The following ZNF488 variants were observed in gnomAD, a reference collection of about 807,000 sequenced individuals.
ZNF488 encodes the protein zinc finger protein 488.
A neutral mutation model predicts 1.2 loss-of-function variants in ZNF488; 1 was observed. The observed-to-expected ratio is 0.86, with a 90% CI of 0.30 to 4.07. The LOEUF is 4.07. Ranked by LOEUF, ZNF488 falls within the 30% of genes most tolerant of loss-of-function variation. The probability of loss-of-function intolerance (pLI) is 0.18; values close to 1 mark genes in which losing one functional copy is unlikely to be tolerated. For missense variants in ZNF488, 450 were observed against 437.9 expected (o/e 1.03, Z -0.25); for synonymous variants, 185 against 190.1 (o/e 0.97, Z 0.22).
chr10:47,372,349 G>A (rs1470714236), intron 1 of ZNF488, among the ~76,000 whole-genome samples: 1 of 152,184 alleles, frequency 6.6e-6, no homozygotes, highest in Non-Finnish European at 1.5e-5. Context: ...AACCTGAAAT[G>A]TGGGGACAAA....
In ZNF488 at chr10:47,367,950, T is replaced by C; in HGVS notation, c.880A>G (p.Met294Val). 6.2e-7 allele frequency: 1 copy of C among 1,614,044 alleles called. No individual in the cohort carries two copies. Among genetic ancestry groups the C allele is most frequent in the Non-Finnish European group, 8.5e-7 (1 of 1,180,026 alleles). Reference protein sequence around the residue: ...FRLTSDLVFHMRSHHKKEHAG... With the variant: ...FRLTSDLVFHVRSHHKKEHAG... ...TGCTCCTTTTTGTGGTGGGATCGCA[T>C]GTGAAAGACCAGGTCGGACGTTAGG... Residue 294 changes from methionine to valine, a missense_variant, in exon 2 of 2, where the codon ATG becomes GTG. Coordinates refer to ENST00000585316, the MANE Select transcript of ZNF488 (RefSeq NM_153034.4).
chr10:47,378,656 A>T (rs782167896), intron 1 of ZNF488, among the ~76,000 whole-genome samples: 8 of 152,234 alleles, frequency 5.3e-5, no homozygotes, highest in Non-Finnish European at 1.0e-4. Context: ...GAGATGAGAC[A>T]GAGAGCCCAA....
At chr10:47,369,703 A>T (rs1195612081) in intron 1 of ZNF488, among the ~76,000 whole-genome samples, 3 of 152,082 alleles carry the variant, frequency 2.0e-5, no homozygotes, top group Non-Finnish European at 4.4e-5. Context: ...GGGCAGCTTC[A>T]TTCCCATCGT....
In ZNF488 at chr10:47,370,553, C is replaced by T. The variant is rs538284354; in HGVS notation, c.-108-1616G>A. On this transcript the variant is annotated intron_variant, in intron 1 of 1. Transcript: ENST00000585316. ...TCTCCCTCAGGCGCTGGACTAACAA[C>T]AGTCTGACCATGGCTGGAAGAGGCA... Among the ~76,000 whole-genome samples the T allele has an allele frequency of 1.8e-4, 28 of 152,356 alleles. 1 individual carries two copies. Among genetic ancestry groups the T allele is most frequent in the Middle Eastern group, 6.8e-3 (2 of 294 alleles).
chr10:47,366,654 C>T lies in ZNF488; in HGVS notation c.*1153G>A, dbSNP rs1173190037. On this transcript the variant is annotated 3_prime_UTR_variant, in exon 2 of 2. Transcript: ENST00000585316. ...GTCAAAGAGTACAGCCTGGGCTCCA[C>T]ACATCCTTAGGAACAAGGGCTGATG... The T allele has an allele frequency of 1.8e-5, 3 of 167,112 alleles. No homozygotes were observed. Among genetic ancestry groups the T allele is most frequent in the Non-Finnish European group, 4.4e-5 (3 of 68,132 alleles). The allele number at this position is 167,112 out of a possible 1,614,324, so 10.4% of individuals were successfully genotyped here. A position where few individuals can be genotyped will look rare whatever the true frequency, so the allele number is the denominator to read the frequency against.
intron 1 of ZNF488, among the ~76,000 whole-genome samples, chr10:47,378,681 GAAAGCATGGGAT>G (rs1281391099): frequency 6.6e-6 from 1 of 152,240 alleles, no homozygotes; most frequent in Non-Finnish European, 1.5e-5. Context: ...CTCATGGAGT[GAAAGCATGGGAT>G]AAATCAGAGA....
intron 1 of ZNF488, among the ~76,000 whole-genome samples, chr10:47,382,719 C>T (rs556548335): frequency 2.2e-4 from 34 of 152,336 alleles, no homozygotes; most frequent in African/African-American, 7.9e-4. Flanking sequence ...TCACTGAACA[C>T]ACTGCAATGC....
At chr10:47,370,523 A>G (rs1217453759) in intron 1 of ZNF488, among the ~76,000 whole-genome samples, 6 of 152,222 alleles carry the variant, frequency 3.9e-5, no homozygotes, top group Non-Finnish European at 8.8e-5. Context: ...GAACTCTGAA[A>G]GTACTCTCCC....
chr10:47,375,973 T>C, intron 1 of ZNF488, among the ~76,000 whole-genome samples: 1 of 152,280 alleles, frequency 6.6e-6, no homozygotes, highest in East Asian at 1.9e-4. Flanking sequence ...TCGAGAGTGT[T>C]TGTGAGGACT....
intron 1 of ZNF488, among the ~76,000 whole-genome samples, chr10:47,377,101 C>G (rs1837707507): frequency 1.3e-5 from 2 of 152,302 alleles, no homozygotes; most frequent in South Asian, 4.1e-4. Flanking sequence ...TCTCTGCAAC[C>G]CCCGCAGGGC....
chr10:47,365,811 T>A lies in ZNF488; in HGVS notation c.*1996A>T, dbSNP rs995624718. 6.0e-6 allele frequency: 1 copy of A among 167,024 alleles called. No homozygotes were observed. Among genetic ancestry groups the A allele is most frequent in the Non-Finnish European group, 1.5e-5 (1 of 68,164 alleles). The allele number at this position is 167,024 out of a possible 1,614,324, so 10.3% of individuals were successfully genotyped here. ...AGGAGCAGCACCATGAAGAGCTAGA[T>A]AGAAAATGTTGAATGAAGCCCAGGC... On this transcript the variant is annotated 3_prime_UTR_variant, in exon 2 of 2. Coordinates refer to ENST00000585316, the MANE Select transcript of ZNF488 (RefSeq NM_153034.4).
chr10:47,381,414 G>C (rs1459481601), intron 1 of ZNF488, among the ~76,000 whole-genome samples: 3 of 152,272 alleles, frequency 2.0e-5, no homozygotes, highest in African/African-American at 7.2e-5. Flanking sequence ...TCTGCATTTG[G>C]ATTGTGAGGT....
chr10:47,369,978 CTGAATGAA>C (rs147995346), intron 1 of ZNF488, among the ~76,000 whole-genome samples: 11 of 152,132 alleles, frequency 7.2e-5, no homozygotes, highest in South Asian at 4.1e-4. Flanking sequence ...GAAGCCTTTG[CTGAATGAA>C]TGAATGAATG....
chr10:47,378,080 C>T (rs1305726131), intron 1 of ZNF488, among the ~76,000 whole-genome samples: 1 of 152,230 alleles, frequency 6.6e-6, no homozygotes, highest in African/African-American at 2.4e-5. Context: ...GGCCCTGCCC[C>T]TAGAGAGAGC....
chr10:47,380,146 C>T (rs1312469593), intron 1 of ZNF488, among the ~76,000 whole-genome samples: 1 of 152,274 alleles, frequency 6.6e-6, no homozygotes, highest in Non-Finnish European at 1.5e-5. Flanking sequence ...CACACCCGGG[C>T]TCTCACCCCC....
At position 47,366,671 on chromosome 10, in the gene ZNF488, G is replaced by A. The variant is rs1027535243; in HGVS notation, c.*1136C>T. On this transcript the variant is annotated 3_prime_UTR_variant, in exon 2 of 2. Coordinates refer to ENST00000585316, the MANE Select transcript of ZNF488 (RefSeq NM_153034.4). Reference sequence around the variant, plus strand: ...GGGCTCCACACATCCTTAGGAACAAGGGCTGATGCGGGTACCTACAACAGC... The same window carrying A: ...GGGCTCCACACATCCTTAGGAACAAAGGCTGATGCGGGTACCTACAACAGC... 12 of 167,084 alleles carry A rather than the reference G, an allele frequency of 7.2e-5. No individual in the cohort carries two copies. The highest frequency in any genetic ancestry group is 2.9e-4 in the African/African-American group (12 of 41,436). 10.4% of individuals were successfully genotyped at this position (167,084 alleles called of 1,614,324 possible). A position where few individuals can be genotyped will look rare whatever the true frequency, so the allele number is the denominator to read the frequency against.
At chr10:47,379,310 C>T (rs200813331) in intron 1 of ZNF488, among the ~76,000 whole-genome samples, 467 of 143,508 alleles carry the variant, frequency 3.3e-3, no homozygotes, top group African/African-American at 0.011. Context: ...CTGCCAAATG[C>T]CATCCCGATA....
At chr10:47,376,695 C>A (rs1837693588) in intron 1 of ZNF488, among the ~76,000 whole-genome samples, 2 of 152,198 alleles carry the variant, frequency 1.3e-5, no homozygotes, top group African/African-American at 4.8e-5. Flanking sequence ...GCCCAGCCTT[C>A]CAGACCACCA....
chr10:47,384,029 A>C (rs1165326290), intron 1 of ZNF488, among the ~76,000 whole-genome samples, 191 bp downstream of exon 1: 1 of 152,110 alleles, frequency 6.6e-6, no homozygotes, highest in Admixed American at 6.5e-5. Context: ...AGGGAACAGA[A>C]ACGGGGATGG....
Sources: allele counts gnomAD v4.1 joint callset (sites outside exome capture counted in the v4.1 genomes callset), GRCh38; gene constraint gnomAD v4.1.1; transcripts MANE v1.5; gene names NCBI Gene and HGNC (gene_info 2026-07-23, HGNC 2026-07-21).